Variants in ARL17A observed in about 807,000 individuals in gnomAD.
ARL17A encodes ARF like GTPase 17A, also known as ADP-ribosylation factor-like 17-like.
chr17:46,528,907 C>G (rs1214706349), intron 4 of ARL17A: 1 of 665,864 alleles, frequency 1.5e-6, no homozygotes, highest in African/African-American at 2.0e-5. Flanking sequence ...CCAAGTACAT[C>G]GCGCATATTG....
chr17:46,553,337 T>G lies in ARL17A; in HGVS notation c.*4019A>C, dbSNP rs552099639. ...ACTTATAATGAATAAAAGGAATCAATACAGATTTGGAGACGGTGGTTGTTG... is the reference window on the plus strand; with the variant it reads ...ACTTATAATGAATAAAAGGAATCAAGACAGATTTGGAGACGGTGGTTGTTG... On this transcript the variant is annotated 3_prime_UTR_variant, in exon 4 of 4. Transcript: ENST00000336125. 6.2e-7 allele frequency: 1 copy of G among 1,608,214 alleles called. No individual in the cohort carries two copies. Among genetic ancestry groups the G allele is most frequent in the South Asian group, 1.1e-5 (1 of 90,966 alleles).
In ARL17A at chr17:46,534,250, G is replaced by A. The variant is rs951339722; in HGVS notation, c.335+4101C>T. Among the ~76,000 whole-genome samples the A allele has an allele frequency of 4.1e-5, 6 of 145,510 alleles. 1 individual carries two copies. Among genetic ancestry groups the A allele is most frequent in the African/African-American group, 1.6e-4 (6 of 36,662 alleles). ...TTCTTGGGTGTTTCTCGCAGAGGGG[G>A]ATTTGGCAGGGTCATAGGACAATAG... On this transcript the variant is annotated intron_variant, in intron 4 of 4. Coordinates refer to the ARL17A transcript ENST00000329240.
intron 4 of ARL17A, among the ~76,000 whole-genome samples, chr17:46,534,750 C>T (rs1164757016): frequency 6.7e-6 from 1 of 150,044 alleles, no homozygotes; most frequent in Non-Finnish European, 1.5e-5. Context: ...CAGAGGGGCT[C>T]CTCACTTCCC....
At chr17:46,543,800 T>C (rs1052069318) in intron 3 of ARL17A, among the ~76,000 whole-genome samples, 1 of 150,824 alleles carries the variant, frequency 6.6e-6, no homozygotes, top group African/African-American at 2.5e-5. Context: ...AAAAAGAAAA[T>C]GTTTAAAATA....
intron 3 of ARL17A, among the ~76,000 whole-genome samples, chr17:46,543,291 A>G (rs1454041469): frequency 6.6e-6 from 1 of 150,440 alleles, no homozygotes; most frequent in Admixed American, 6.6e-5. Flanking sequence ...ATGATCTTTC[A>G]TGTGTATTGA....
intron 3 of ARL17A, among the ~76,000 whole-genome samples, chr17:46,543,437 ATT>A (rs1280407312): frequency 2.0e-5 from 3 of 150,992 alleles, no homozygotes; most frequent in Non-Finnish European, 2.9e-5. Flanking sequence ...CTGATGTTTG[ATT>A]GGATTGTGAA....
downstream of ARL17A, chr17:46,552,534 C>T (rs1381478715): frequency 2.5e-5 from 1 of 39,662 alleles, no homozygotes; most frequent in Non-Finnish European, 4.7e-5. Context: ...TCCTTTTTCT[C>T]CTACTTTTAA....
chr17:46,575,259 T>C (rs1274568819), intron 2 of ARL17A, among the ~76,000 whole-genome samples: 5 of 127,738 alleles, frequency 3.9e-5, no homozygotes, highest in Admixed American at 8.1e-5. Context: ...CTGTCAAAAC[T>C]CGCTTTGTAA....
chr17:46,537,036 T>C (rs1406158388), intron 4 of ARL17A, among the ~76,000 whole-genome samples: 28 of 53,040 alleles, frequency 5.3e-4, no homozygotes, highest in African/African-American at 1.2e-3. Flanking sequence ...TGCAAGACTT[T>C]GGTTACATTT....
chr17:46,534,854 G>A lies in ARL17A; in HGVS notation c.335+3497C>T, dbSNP rs187708086. ...CCCCCACCTCCCTCCCAGACAGGGC[G>A]GCTGCCGGGCAGAGGGGCTCCTCAC... On this transcript the variant is annotated intron_variant, in intron 4 of 4. Coordinates refer to the ARL17A transcript ENST00000329240. Among the ~76,000 whole-genome samples the A allele has an allele frequency of 6.4e-4, 96 of 149,220 alleles. 2 individuals are homozygous for A. The East Asian group carries it at 0.01, about 16-fold the overall frequency.
intron 3 of ARL17A, among the ~76,000 whole-genome samples, chr17:46,541,315 G>C (rs1008453141): frequency 6.7e-6 from 1 of 149,918 alleles, no homozygotes; most frequent in African/African-American, 2.5e-5. Flanking sequence ...GCAGCGGCAT[G>C]ACCTAGGCTC....
At chr17:46,527,129 ACT>A, downstream of ARL17A, among the ~76,000 whole-genome samples, 1 of 52,458 alleles carries the variant, frequency 1.9e-5, no homozygotes, top group East Asian at 3.1e-4. Flanking sequence ...GATAGAGTAC[ACT>A]CACATATTGG....
Position 46,555,336 on chromosome 17 carries a change from C to T in ARL17A, c.*2020G>A, listed in dbSNP as rs773412579. 6.6e-7 allele frequency: 1 copy of T among 1,518,206 alleles called. No individual in the cohort carries two copies. Among genetic ancestry groups the T allele is most frequent in the East Asian group, 2.5e-5 (1 of 39,812 alleles). 94.0% of individuals were successfully genotyped at this position (1,518,206 alleles called of 1,614,324 possible). A position where few individuals can be genotyped will look rare whatever the true frequency, so the allele number is the denominator to read the frequency against. On this transcript the variant is annotated 3_prime_UTR_variant, in exon 4 of 4. Transcript: ENST00000336125. ...GCTCTGGTTTAAAGATATGTACAAACCTCTCAGTGCCACAAGAATAAATAA... is the reference window on the plus strand; with the variant it reads ...GCTCTGGTTTAAAGATATGTACAAATCTCTCAGTGCCACAAGAATAAATAA...
chr17:46,541,708 A>G (rs2055353874), intron 3 of ARL17A, among the ~76,000 whole-genome samples: 1 of 150,974 alleles, frequency 6.6e-6, no homozygotes, highest in Non-Finnish European at 1.5e-5. Flanking sequence ...AAACAACAAT[A>G]CAACAATAAA....
chr17:46,557,045 C>G lies in ARL17A; in HGVS notation c.*311G>C, dbSNP rs1401539342. On this transcript the variant is annotated 3_prime_UTR_variant, in exon 4 of 4. Transcript: ENST00000336125. ...ACGAACGTGCATATGTACCCCCTAA[C>G]CTAAAAGAAAAGTTTAAAAAGGAAA... The G allele has an allele frequency of 2.4e-6, 1 of 419,184 alleles. No homozygotes were observed. The highest frequency in any genetic ancestry group is 4.1e-6 in the Non-Finnish European group (1 of 246,112). The allele number at this position is 419,184 out of a possible 1,614,324, so 26.0% of individuals were successfully genotyped here.
chr17:46,558,094 T>A (rs546806370), intron 3 of ARL17A, among the ~76,000 whole-genome samples: 1 of 134,870 alleles, frequency 7.4e-6, no homozygotes, highest in East Asian at 2.4e-4. Flanking sequence ...AGTTTTGCTC[T>A]TGTTGCTCAG....
intron 4 of ARL17A, among the ~76,000 whole-genome samples, chr17:46,535,195 C>T (rs1182674549): frequency 2.7e-5 from 4 of 149,458 alleles, no homozygotes; most frequent in Non-Finnish European, 4.4e-5. Flanking sequence ...ATGTCCAGCA[C>T]CTGCATTGTT....
intron 3 of ARL17A, among the ~76,000 whole-genome samples, chr17:46,568,785 CA>C (rs1230441508): frequency 1.2e-5 from 1 of 84,964 alleles, no homozygotes; most frequent in African/African-American, 6.0e-5. Context: ...ACCCTGTCTC[CA>C]AAAAAAAAAA....
intron 4 of ARL17A, among the ~76,000 whole-genome samples, chr17:46,534,267 G>A (rs1480016261): frequency 7.0e-6 from 1 of 143,018 alleles, no homozygotes; most frequent in Admixed American, 6.8e-5. Flanking sequence ...CAGGGTCATA[G>A]GACAATAGTG....
Sources: allele counts gnomAD v4.1 joint callset (sites outside exome capture counted in the v4.1 genomes callset), GRCh38; gene constraint gnomAD v4.1.1; transcripts MANE v1.5; gene names NCBI Gene and HGNC (gene_info 2026-07-23, HGNC 2026-07-21).